UBE2D2: variants seen among roughly 807,000 people sequenced by gnomAD.
UBE2D2 encodes the protein ubiquitin conjugating enzyme E2 D2.
In UBE2D2, 2 loss-of-function variants were observed where a neutral mutation model predicts 24.2. The ratio of observed to expected loss-of-function variants is 0.08; its 90% CI spans 0.03 to 0.26. The LOEUF (loss-of-function observed/expected upper bound fraction) is 0.26, where lower values mean the gene tolerates loss of function less well. UBE2D2 is among the 10% of genes least tolerant of loss of function. UBE2D2 has a pLI of 1.00. For synonymous variants in UBE2D2, 58 were observed against 56.5 expected (o/e 1.03, Z -0.12); for missense variants, 44 against 177.6 (o/e 0.25, Z 4.28).
intron 5 of UBE2D2, among the ~76,000 whole-genome samples, chr5:139,616,786 T>C (rs1381778145): frequency 1.3e-5 from 2 of 152,206 alleles, no homozygotes; most frequent in Non-Finnish European, 2.9e-5. Flanking sequence ...GAAAAAACTT[T>C]GTATACAAGT....
At chr5:139,590,684 G>A (rs1030307855) in intron 1 of UBE2D2, among the ~76,000 whole-genome samples, 4 of 151,390 alleles carry the variant, frequency 2.6e-5, no homozygotes. Context: ...AATCAGTTCT[G>A]GGAGGGTACA....
chr5:139,595,144 T>C (rs1054668952), intron 1 of UBE2D2, among the ~76,000 whole-genome samples: 1 of 152,210 alleles, frequency 6.6e-6, no homozygotes, highest in African/African-American at 2.4e-5. Flanking sequence ...TTGTTCTTTC[T>C]CATAAAATAG....
At chr5:139,561,076 G>T (rs1483504991), upstream of UBE2D2, 2 of 152,706 alleles carry the variant, frequency 1.3e-5, no homozygotes, top group African/African-American at 2.4e-5. Context: ...TGTGACACGC[G>T]CGTGGGTTTC....
intron 1 of UBE2D2, among the ~76,000 whole-genome samples, chr5:139,546,837 C>A: frequency 7.5e-6 from 1 of 133,180 alleles, no homozygotes; most frequent in Non-Finnish European, 1.6e-5. Context: ...TTCCTTCCTT[C>A]CTTCCTTCCT....
chr5:139,604,086 A>G (rs1754141223), intron 2 of UBE2D2, among the ~76,000 whole-genome samples: 1 of 152,020 alleles, frequency 6.6e-6, no homozygotes, highest in African/African-American at 2.4e-5. Context: ...AATGGAAGAA[A>G]TTGTTGCAAG....
At chr5:139,531,413 A>C in intron 1 of UBE2D2, among the ~76,000 whole-genome samples, 1 of 152,196 alleles carries the variant, frequency 6.6e-6, no homozygotes. Context: ...TTCATGTGAA[A>C]TCTTTAGTGT....
At chr5:139,578,242 AG>A (rs1753521323) in intron 1 of UBE2D2, among the ~76,000 whole-genome samples, 1 of 152,156 alleles carries the variant, frequency 6.6e-6, no homozygotes, top group African/African-American at 2.4e-5. Context: ...GTTAGTTGCA[AG>A]GAACAGCTGT....
At chr5:139,539,033 CTT>C (rs1005691130) in intron 1 of UBE2D2, among the ~76,000 whole-genome samples, 10 of 151,338 alleles carry the variant, frequency 6.6e-5, no homozygotes, top group Non-Finnish European at 1.5e-4. Context: ...AAGTCAATCT[CTT>C]TTTTTTTGAG....
intron 5 of UBE2D2, among the ~76,000 whole-genome samples, chr5:139,620,156 C>T (rs1754488376): frequency 6.6e-6 from 1 of 152,202 alleles, no homozygotes. Flanking sequence ...CCAGGCCCCA[C>T]CTCCAACGTT....
At position 139,561,834 on chromosome 5, in the gene UBE2D2, G is replaced by A. The variant is rs202141693; in HGVS notation, c.24+19G>A. 1.2e-3 allele frequency: 1,754 copies of A among 1,486,440 alleles called. 1 individual carries two copies. The highest frequency in any genetic ancestry group is 1.2e-3 in the Non-Finnish European group (1,327 of 1,123,842). 92.1% of individuals were successfully genotyped at this position (1,486,440 alleles called of 1,614,324 possible). A position where few individuals can be genotyped will look rare whatever the true frequency, so the allele number is the denominator to read the frequency against. ...CCACAAGGTAAGCGGCCGGAGGTCG[G>A]CTGCGCTGCTGGCCAGCTGAGCAGG... On this transcript the variant is annotated intron_variant, in intron 1 of 6. Transcript: ENST00000398733.
At chr5:139,567,700 CTTTTTG>C (rs1753262065) in intron 1 of UBE2D2, among the ~76,000 whole-genome samples, 1 of 150,642 alleles carries the variant, frequency 6.6e-6, no homozygotes, top group Admixed American at 6.6e-5. Context: ...TGCCCAGCTA[CTTTTTG>C]TATTTTCAGT....
At chr5:139,615,967 C>G (rs1754412895) in intron 5 of UBE2D2, among the ~76,000 whole-genome samples, 1 of 149,824 alleles carries the variant, frequency 6.7e-6, no homozygotes, top group Non-Finnish European at 1.5e-5. Context: ...TCCCTTGTAG[C>G]TGGGATTACA....
At chr5:139,625,286 T>TC (rs1561523424) in intron 6 of UBE2D2, among the ~76,000 whole-genome samples, 1 of 147,934 alleles carries the variant, frequency 6.8e-6, no homozygotes, top group African/African-American at 2.5e-5. Flanking sequence ...GTTTTTTTTT[T>TC]TTTTTTTTTG....
intron 1 of UBE2D2, among the ~76,000 whole-genome samples, chr5:139,538,903 A>G (rs540089105): frequency 2.6e-5 from 4 of 152,214 alleles, no homozygotes; most frequent in African/African-American, 9.6e-5. Flanking sequence ...TTATATGTAT[A>G]TTACTACAAT....
intron 2 of UBE2D2, among the ~76,000 whole-genome samples, chr5:139,606,174 T>TTGTC (rs2126692445): frequency 6.6e-6 from 1 of 152,106 alleles, no homozygotes; most frequent in East Asian, 1.9e-4. Context: ...GTTTGTTTGT[T>TTGTC]TTTTTGAGAT....
intron 5 of UBE2D2, 123 bp from the exon 6 acceptor site, chr5:139,623,245 C>T: frequency 2.2e-6 from 1 of 461,408 alleles, no homozygotes; most frequent in South Asian, 7.0e-5. Context: ...TTAAGTAAAA[C>T]TTACAAAGCT....
intron 1 of UBE2D2, among the ~76,000 whole-genome samples, chr5:139,546,807 C>CTTTCTTTCT (rs1438002511): frequency 6.3e-5 from 9 of 141,834 alleles, no homozygotes; most frequent in Admixed American, 1.5e-4. Flanking sequence ...TTCTTTCTTT[C>CTTTCTTTCT]TTCTTTCTTT....
At chr5:139,603,863 C>T (rs1380843826) in intron 2 of UBE2D2, among the ~76,000 whole-genome samples, 2 of 151,196 alleles carry the variant, frequency 1.3e-5, no homozygotes, top group Admixed American at 6.6e-5. Flanking sequence ...GCAGGAGAAT[C>T]GCTTGAACCC....
chr5:139,551,635 T>A (rs1022502279), intron 1 of UBE2D2, among the ~76,000 whole-genome samples: 1 of 152,170 alleles, frequency 6.6e-6, no homozygotes, highest in Admixed American at 6.5e-5. Flanking sequence ...TGCTAGACAC[T>A]GGGGATTAAA....
Sources: gnomAD v4.1 joint callset for allele counts (sites outside exome capture counted in the v4.1 genomes callset) on GRCh38, gnomAD v4.1.1 for gene constraint, MANE v1.5 for transcripts, NCBI Gene and HGNC (gene_info 2026-07-23, HGNC 2026-07-21) for gene names.